The following LZTFL1 variants were observed in gnomAD, a reference collection of about 807,000 sequenced individuals.
LZTFL1 encodes the protein leucine zipper transcription factor-like protein 1.
In LZTFL1, 25 loss-of-function variants were observed where a neutral mutation model predicts 45.9. That is an observed-to-expected ratio of 0.54 (90% CI 0.40 to 0.76). The LOEUF (loss-of-function observed/expected upper bound fraction) is 0.76. Ranked by LOEUF, LZTFL1 falls within the 30% of genes least tolerant of loss-of-function variation. The pLI is 0.00. For missense variants in LZTFL1, 277 were observed against 331.1 expected (o/e 0.84, Z 1.27); for synonymous variants, 93 against 117.4 (o/e 0.79, Z 1.35).
rs1036638160 is a variant in LZTFL1 at position 45,838,028 on chromosome 3, G to T, written c.27C>A (p.His9Gln). Reference protein sequence around the residue: MAELGLNEHHQNEVINYMR... With the variant: MAELGLNEQHQNEVINYMR... ...TATAATTAATAACTTCATTTTGATG[G>T]TGCTCATTTAGGCCCAACTCTGCCT... Residue 9 changes from histidine to glutamine, a missense_variant, in exon 2 of 10, where the codon CAC becomes CAA. Coordinates refer to ENST00000296135, the MANE Select transcript of LZTFL1 (RefSeq NM_020347.4). 3 of 1,609,620 alleles carry T rather than the reference G, an allele frequency of 1.9e-6. No homozygotes were observed. The highest frequency in any genetic ancestry group is 2.7e-5 in the African/African-American group (2 of 74,634).
intron 9 of LZTFL1, 94 bp from the exon 10 acceptor site, chr3:45,826,426 A>C: frequency 1.0e-6 from 1 of 958,274 alleles, no homozygotes; most frequent in Non-Finnish European, 1.7e-6. Flanking sequence ...TATATTTCTC[A>C]CTTCAAATTA....
upstream of LZTFL1, among the ~76,000 whole-genome samples, chr3:45,843,298 T>C (rs952555865): frequency 2.6e-5 from 4 of 152,266 alleles, no homozygotes; most frequent in Non-Finnish European, 5.9e-5. Flanking sequence ...GTTGCCATTA[T>C]TTAGTGCCTA....
chr3:45,894,440 G>T (rs1702285717), intron 2 of LZTFL1, among the ~76,000 whole-genome samples: 1 of 152,168 alleles, frequency 6.6e-6, no homozygotes, highest in Non-Finnish European at 1.5e-5. Context: ...CATTCTCAAA[G>T]CGACCACTGT....
chr3:45,840,107 T>G (rs540220224), intron 1 of LZTFL1, among the ~76,000 whole-genome samples: 97 of 152,328 alleles, frequency 6.4e-4, no homozygotes, highest in African/African-American at 2.2e-3. Flanking sequence ...TGCCAGCAGG[T>G]GGCCAATTCC....
At chr3:45,869,520 G>A (rs1264867770) in intron 2 of LZTFL1, among the ~76,000 whole-genome samples, 1 of 152,122 alleles carries the variant, frequency 6.6e-6, no homozygotes, top group Non-Finnish European at 1.5e-5. Flanking sequence ...CCCTAGCCTG[G>A]GATGGGACAC....
intron 2 of LZTFL1, among the ~76,000 whole-genome samples, chr3:45,863,941 T>C (rs1701536774): frequency 6.6e-6 from 1 of 152,264 alleles, no homozygotes; most frequent in Non-Finnish European, 1.5e-5. Flanking sequence ...TATTAAAGAA[T>C]GATTATTAAT....
intron 2 of LZTFL1, among the ~76,000 whole-genome samples, chr3:45,885,603 C>T (rs981826001): frequency 1.3e-5 from 2 of 152,218 alleles, no homozygotes; most frequent in African/African-American, 4.8e-5. Context: ...TTCAATAGCA[C>T]TGTTGGCGAC....
intron 2 of LZTFL1, among the ~76,000 whole-genome samples, chr3:45,869,148 G>A (rs1371861995): frequency 6.6e-6 from 1 of 152,186 alleles, no homozygotes; most frequent in Non-Finnish European, 1.5e-5. Flanking sequence ...AGGAAGGGAT[G>A]GGCAGAGCAC....
chr3:45,867,572 C>T (rs146703500), intron 2 of LZTFL1, among the ~76,000 whole-genome samples: 44 of 151,944 alleles, frequency 2.9e-4, no homozygotes, highest in Non-Finnish European at 5.4e-4. Flanking sequence ...GGCTGGGCAC[C>T]GTGGCTCATG....
intron 2 of LZTFL1, among the ~76,000 whole-genome samples, chr3:45,863,029 T>G (rs939169057): frequency 6.6e-6 from 1 of 152,240 alleles, no homozygotes; most frequent in Non-Finnish European, 1.5e-5. Context: ...AATAGTATTA[T>G]GAGACCCAAG....
chr3:45,878,138 A>G (rs1000804206), intron 2 of LZTFL1, among the ~76,000 whole-genome samples: 1 of 152,232 alleles, frequency 6.6e-6, no homozygotes, highest in Non-Finnish European at 1.5e-5. Flanking sequence ...TAAGCTAATT[A>G]GTATTTTCCT....
chr3:45,830,439 A>T (rs1168315249), intron 7 of LZTFL1, among the ~76,000 whole-genome samples: 1 of 152,212 alleles, frequency 6.6e-6, no homozygotes, highest in African/African-American at 2.4e-5. Context: ...GCATCTGCAG[A>T]TTCATAATCA....
chr3:45,893,682 A>C (rs990288643), intron 2 of LZTFL1, among the ~76,000 whole-genome samples: 3 of 152,200 alleles, frequency 2.0e-5, no homozygotes, highest in African/African-American at 7.2e-5. Flanking sequence ...TAACTTATCC[A>C]TTTACTACTT....
At chr3:45,861,734 C>A (rs1187865090) in intron 2 of LZTFL1, among the ~76,000 whole-genome samples, 1 of 152,152 alleles carries the variant, frequency 6.6e-6, no homozygotes, top group Non-Finnish European at 1.5e-5. Flanking sequence ...CAGTAAAGCA[C>A]ATAACTGATA....
At chr3:45,891,885 G>A (rs1034627756) in intron 2 of LZTFL1, among the ~76,000 whole-genome samples, 3 of 152,070 alleles carry the variant, frequency 2.0e-5, no homozygotes, top group Non-Finnish European at 4.4e-5. Flanking sequence ...CTTTGATTTA[G>A]GTTGACCTTT....
chr3:45,829,561 A>T (rs1482376123), intron 7 of LZTFL1, among the ~76,000 whole-genome samples: 1 of 144,128 alleles, frequency 6.9e-6, no homozygotes, highest in Non-Finnish European at 1.5e-5. Flanking sequence ...CCATGGTTGC[A>T]CCACCGCACT....
At chr3:45,898,493 C>T (rs557616816) in intron 2 of LZTFL1, among the ~76,000 whole-genome samples, 23 of 152,338 alleles carry the variant, frequency 1.5e-4, no homozygotes, top group East Asian at 7.7e-4. Flanking sequence ...TAGTTCTTTG[C>T]GTTTGTGGGC....
At chr3:45,827,215 A>G (rs544606096) in intron 9 of LZTFL1, 141 bp downstream of exon 9, 8 of 687,730 alleles carry the variant, frequency 1.2e-5, no homozygotes, top group Non-Finnish European at 2.1e-5. Context: ...GAGCTCCTCC[A>G]CTTTCCTCAA....
At chr3:45,862,221 C>T (rs1701502477) in intron 2 of LZTFL1, among the ~76,000 whole-genome samples, 1 of 152,176 alleles carries the variant, frequency 6.6e-6, no homozygotes, top group South Asian at 2.1e-4. Context: ...TTTTGCTCTT[C>T]CTTTGAAGAA....
Sources: allele counts gnomAD v4.1 joint callset (sites outside exome capture counted in the v4.1 genomes callset), GRCh38; gene constraint gnomAD v4.1.1; transcripts MANE v1.5; gene names NCBI Gene and HGNC (gene_info 2026-07-23, HGNC 2026-07-21).